ANO7: variants seen among roughly 807,000 people sequenced by gnomAD.
The protein encoded by ANO7 is anoctamin-7.
In ANO7, 114 loss-of-function variants were observed where a neutral mutation model predicts 115.8. The ratio of observed to expected loss-of-function variants is 0.98; its 90% CI spans 0.85 to 1.15. The LOEUF is 1.15. ANO7 is among the 50% of genes most tolerant of loss of function. ANO7 has a pLI of 0.00. For missense variants in ANO7, 1,302 were observed against 1,201.2 expected (o/e 1.08, Z -1.24); for synonymous variants, 550 against 498.2 (o/e 1.10, Z -1.38).
chr2:241,222,269 A>AATAAATAAAT (rs1275422068), intron 21 of ANO7, among the ~76,000 whole-genome samples: 7 of 150,936 alleles, frequency 4.6e-5, no homozygotes, highest in African/African-American at 1.7e-4. Context: ...TAAATAAATA[A>AATAAATAAAT]ATAAAGTGCT....
In ANO7 at chr2:241,191,197, G is replaced by T; in HGVS notation, c.112G>T (p.Gly38Cys). 6.2e-7 allele frequency: 1 copy of T among 1,613,950 alleles called. No individual in the cohort carries two copies. The highest frequency in any genetic ancestry group is 8.5e-7 in the Non-Finnish European group (1 of 1,179,988). The change falls in exon 3 of 25, where the codon GGT (glycine) becomes TGT (cysteine). Residue 38 changes from glycine to cysteine, a missense_variant. Transcript: ENST00000674324. ...CTCCATCCTCCATGCCTTCCAGCCAGGTGGACAGCAAGCGGCCGCCTGCAG... is the reference window on the plus strand; with the variant it reads ...CTCCATCCTCCATGCCTTCCAGCCATGTGGACAGCAAGCGGCCGCCTGCAG... ...YGSTAHASEPGGQQAAACRAG... is the reference protein window; with the variant it reads ...YGSTAHASEPCGQQAAACRAG...
chr2:241,236,610 C>T, the ANO7 span: 2 of 1,613,736 alleles, frequency 1.2e-6, no homozygotes, highest in Non-Finnish European at 1.7e-6. Context: ...CACATGGACA[C>T]ATACCTCCAG....
chr2:241,202,902 A>T (rs1045823187), intron 8 of ANO7, among the ~76,000 whole-genome samples: 4 of 152,130 alleles, frequency 2.6e-5, no homozygotes, highest in Non-Finnish European at 5.9e-5. Context: ...CGCCGTCATG[A>T]GGGTTAAATG....
intron 4 of ANO7, among the ~76,000 whole-genome samples, chr2:241,197,300 G>A (rs546505533): frequency 6.6e-5 from 10 of 152,164 alleles, no homozygotes; most frequent in South Asian, 2.1e-4. Flanking sequence ...GGGTTTCACC[G>A]TATTGCCCAG....
chr2:241,212,103 G>A lies in ANO7; in HGVS notation c.1571G>A (p.Arg524His), dbSNP rs778300142. The A allele has an allele frequency of 2.5e-5, 41 of 1,613,746 alleles. No individual in the cohort carries two copies. Among genetic ancestry groups the A allele is most frequent in the Admixed American group, 6.7e-5 (4 of 59,994 alleles). ...AHVLTRWEMH[R>H]TQTKFEDAFT... ...GCTCTCCATGCCACAGAAATGCACC[G>A]CACCCAGACCAAGTTCGAGGACGCC... Residue 524 changes from arginine (R) to histidine (H), a missense_variant, in exon 16 of 25, where the codon CGC becomes CAC. Physicochemically the swap from Arg to His is conservative, Grantham distance 29. Transcript: ENST00000674324.
chr2:241,232,993 A>AGG, the ANO7 span, among the ~76,000 whole-genome samples: 27,452 of 150,898 alleles, frequency 0.18, 3,278 homozygotes, highest in East Asian at 0.59. Flanking sequence ...AAGAAGGGGA[A>AGG]GGGGAAGGGG....
rs533628149 is a variant in ANO7, at chr2:241,203,475, T to C, written c.866T>C (p.Val289Ala). Reference sequence around the variant, plus strand: ...GTGCGCAGGTACTTCGGGGAGAAGGTGGCCCTCTACTTCGCCTGGCTCGGT... The same window carrying C: ...GTGCGCAGGTACTTCGGGGAGAAGGCGGCCCTCTACTTCGCCTGGCTCGGT... Reference protein sequence around the residue: ...DHVRRYFGEKVALYFAWLGFY... With the variant: ...DHVRRYFGEKAALYFAWLGFY... The change falls in exon 9 of 25, where the codon GTG (valine) becomes GCG (alanine). Residue 289 changes from valine (V) to alanine (A), a missense_variant. By Grantham distance (64) the Val-to-Ala change is moderately conservative. Transcript: ENST00000674324. This position sits in a 1 kb window ranked among gnomAD's most constrained non-coding sequence, Gnocchi z 4.8. 2.9e-4 allele frequency: 450 copies of C among 1,551,032 alleles called. 3 individuals are homozygous for C. The South Asian group carries it at 5.3e-3, about 18-fold the overall frequency.
intron 21 of ANO7, among the ~76,000 whole-genome samples, chr2:241,219,760 G>A (rs1056403125): frequency 7.9e-5 from 11 of 139,668 alleles, no homozygotes; most frequent in East Asian, 2.1e-4. Context: ...TCTTTAAAGA[G>A]ATGGGGTCTT....
chr2:241,231,795 G>C, the ANO7 span, among the ~76,000 whole-genome samples: 1 of 152,148 alleles, frequency 6.6e-6, no homozygotes, highest in African/African-American at 2.4e-5. Context: ...AGGGCATAGA[G>C]AAGGAAACGT....
chr2:241,215,859 G>A (rs1344765737), intron 18 of ANO7, among the ~76,000 whole-genome samples: 4 of 152,194 alleles, frequency 2.6e-5, no homozygotes, highest in African/African-American at 7.2e-5. Context: ...GGGGCTGGGC[G>A]GGTGGACTGC....
rs985897592 is a variant in ANO7 at position 241,225,552 on chromosome 2, G to A, written c.*1399G>A. Among the ~76,000 whole-genome samples, 11 of 152,186 alleles carry A rather than the reference G, an allele frequency of 7.2e-5. No individual in the cohort carries two copies. The highest frequency in any genetic ancestry group is 2.4e-4 in the African/African-American group (10 of 41,450). On this transcript the variant is annotated 3_prime_UTR_variant, in exon 25 of 25. Coordinates refer to ENST00000674324, the MANE Select transcript of ANO7 (RefSeq NM_001370694.2). ...GAACACACACACACAAAAAGAATAT[G>A]TGGTTTTAATGTGCTTTGATGAGTA...
Position 241,200,297 on chromosome 2 carries a change from C to A in ANO7, c.554+72C>A, listed in dbSNP as rs1240164663. The A allele has an allele frequency of 3.2e-6, 5 of 1,552,134 alleles. No individual in the cohort carries two copies. In the East Asian group the frequency reaches 9.1e-5, roughly 28 times the overall value. ...GGAGTCGGTGAATGAGTGAGCGGAA[C>A]TTGGTGCTTCCCCAGGACTCTCCTC... is the stretch of plus-strand genomic sequence containing the variant. On this transcript the variant is annotated intron_variant, in intron 6 of 24. Coordinates refer to ENST00000674324, the MANE Select transcript of ANO7 (RefSeq NM_001370694.2).
intron 23 of ANO7, 39 bp downstream of exon 23, chr2:241,223,820 C>T (rs2149280915): frequency 6.2e-7 from 1 of 1,614,162 alleles, no homozygotes. Flanking sequence ...CCCCCCAGCC[C>T]TCTCCCTATC....
chr2:241,238,664 T>C, the ANO7 span: 1 of 1,574,888 alleles, frequency 6.3e-7, no homozygotes, highest in Non-Finnish European at 8.7e-7. This position sits in a 1 kb window ranked among gnomAD's most constrained non-coding sequence, Gnocchi z 4.9. Flanking sequence ...TTCTCCTCTC[T>C]GTCTGGGAAT....
chr2:241,233,272 C>G, the ANO7 span, among the ~76,000 whole-genome samples: 1 of 152,060 alleles, frequency 6.6e-6, no homozygotes, highest in African/African-American at 2.4e-5. This position sits in a 1 kb window ranked among gnomAD's most constrained non-coding sequence, Gnocchi z 4.3. Context: ...TGGCAGGGCC[C>G]AGAGAGGGGA....
In ANO7 at chr2:241,217,732, C is replaced by G; in HGVS notation, c.2019C>G (p.Leu673=). 2 of 1,602,532 alleles carry G rather than the reference C, an allele frequency of 1.2e-6. No homozygotes were observed. Among genetic ancestry groups the G allele is most frequent in the Non-Finnish European group, 1.7e-6 (2 of 1,175,158 alleles). Residue 673 remains leucine (L), a synonymous_variant, in exon 20 of 25, where the codon CTC becomes CTG. Coordinates refer to ENST00000674324, the MANE Select transcript of ANO7 (RefSeq NM_001370694.2). ...FVTIFVAACP[L]APLFALLNNW... ...CCATCTTCGTGGCCGCCTGTCCGCT[C>G]GCGCCGCTCTTCGCCCTGCTCAACA...
At chr2:241,210,766 A>G (rs1202813838) in intron 15 of ANO7, among the ~76,000 whole-genome samples, 196 bp downstream of exon 15, 1 of 150,650 alleles carries the variant, frequency 6.6e-6, no homozygotes, top group Non-Finnish European at 1.5e-5. Flanking sequence ...TGTAGCCTTG[A>G]CCTCCCAGGC....
intron 18 of ANO7, 145 bp from the exon 19 acceptor site, chr2:241,215,948 C>T (rs1179542021): frequency 2.0e-6 from 2 of 995,678 alleles, no homozygotes; most frequent in Non-Finnish European, 3.0e-6. Flanking sequence ...CTGCGTCCAC[C>T]CCTCAGCCCC....
intron 19 of ANO7, among the ~76,000 whole-genome samples, chr2:241,217,205 C>T (rs573429010): frequency 2.1e-4 from 32 of 152,342 alleles, no homozygotes; most frequent in South Asian, 4.1e-4. Flanking sequence ...GCCGCGGCAT[C>T]TGTGGAAAGG....
Sources: gnomAD v4.1 joint callset for allele counts (sites outside exome capture counted in the v4.1 genomes callset) on GRCh38, gnomAD v4.1.1 for gene constraint, Gnocchi (gnomAD v3.1) non-coding constraint, MANE v1.5 for transcripts, NCBI Gene and HGNC (gene_info 2026-07-23, HGNC 2026-07-21) for gene names.